GAS2: variants seen among roughly 807,000 people sequenced by gnomAD.
GAS2 encodes growth arrest-specific protein 2.
Under a neutral mutation model 37.5 loss-of-function variants are expected in GAS2, and 20 were observed. That is an observed-to-expected ratio of 0.53 (90% CI 0.37 to 0.77). The LOEUF is 0.77. Ranked by LOEUF, GAS2 falls within the 30% of genes least tolerant of loss-of-function variation. The pLI, the probability that GAS2 is intolerant of heterozygous loss-of-function variation, is 0.00. For missense variants in GAS2, 336 were observed against 373.4 expected, an observed-to-expected ratio of 0.90 and a Z score of 0.82; for synonymous variants, 144 against 132.2, an observed-to-expected ratio of 1.09 and a Z score of -0.61.
In GAS2 at chr11:22,811,921, C is replaced by T. The variant is rs757909642; in HGVS notation, c.847C>T (p.Pro283Ser). Residue 283 changes from proline (P) to serine (S), a missense_variant, in exon 8 of 8, where the codon CCT becomes TCT. Transcript: ENST00000454584. ...QISRVDGKTS[P>S]IQSKSPTLKD... ...CTCCCGTGTGGATGGCAAAACATCC[C>T]CTATCCAAAGCAAATCTCCAACTCT... 1.2e-6 allele frequency: 2 copies of T among 1,614,074 alleles called. No homozygotes were observed. The highest frequency in any genetic ancestry group is 2.2e-5 in the East Asian group (1 of 44,888).
chr11:22,797,309 C>T (rs970842877), intron 7 of GAS2, among the ~76,000 whole-genome samples: 3 of 152,072 alleles, frequency 2.0e-5, no homozygotes, highest in Admixed American at 2.0e-4. Context: ...GGCTACTTGA[C>T]AGTCATTTGT....
chr11:22,728,696 T>G (rs969907914), intron 4 of GAS2, among the ~76,000 whole-genome samples: 4 of 151,824 alleles, frequency 2.6e-5, no homozygotes, highest in Non-Finnish European at 5.9e-5. Context: ...CTGCTCAGAA[T>G]AGAACCCAAA....
At chr11:22,670,929 T>A (rs2062450) in intron 1 of GAS2, among the ~76,000 whole-genome samples, 1 of 151,848 alleles carries the variant, frequency 6.6e-6, no homozygotes. Context: ...TATGTAATGT[T>A]GCAATGCATT....
intron 1 of GAS2, among the ~76,000 whole-genome samples, chr11:22,655,215 C>T (rs951003048): frequency 2.0e-4 from 31 of 152,166 alleles, no homozygotes; most frequent in African/African-American, 6.8e-4. Context: ...TTGCCGCCTA[C>T]GCTGATTCCC....
chr11:22,629,655 T>C (rs556540275), intron 1 of GAS2, among the ~76,000 whole-genome samples: 39 of 152,276 alleles, frequency 2.6e-4, no homozygotes, highest in African/African-American at 9.1e-4. Context: ...AATGGGATTA[T>C]TGGTTTTTTT....
chr11:22,661,061 A>G (rs1345285715), intron 1 of GAS2, among the ~76,000 whole-genome samples: 2 of 152,238 alleles, frequency 1.3e-5, no homozygotes, highest in Admixed American at 6.5e-5. Flanking sequence ...AAGTAATCCT[A>G]AATTTGAAAT....
At chr11:22,723,964 T>C (rs1481420550) in intron 3 of GAS2, among the ~76,000 whole-genome samples, 3 of 151,952 alleles carry the variant, frequency 2.0e-5, no homozygotes, top group Non-Finnish European at 4.4e-5. Flanking sequence ...TTTGGAATTA[T>C]ATAAAATAAG....
At chr11:22,783,319 T>C (rs1373640144) in intron 7 of GAS2, among the ~76,000 whole-genome samples, 1 of 152,172 alleles carries the variant, frequency 6.6e-6, no homozygotes, top group African/African-American at 2.4e-5. Context: ...ATTCTTTAAG[T>C]TCTTTATAGA....
intron 7 of GAS2, among the ~76,000 whole-genome samples, chr11:22,805,570 T>C (rs1356191458): frequency 6.6e-6 from 1 of 152,100 alleles, no homozygotes; most frequent in African/African-American, 2.4e-5. Flanking sequence ...CCACCATTCT[T>C]TTCTCTACTT....
chr11:22,746,875 TAAAAA>T (rs1590083873), intron 5 of GAS2, among the ~76,000 whole-genome samples: 1 of 151,986 alleles, frequency 6.6e-6, no homozygotes, highest in Non-Finnish European at 1.5e-5. Flanking sequence ...ATTTAAAAAA[TAAAAA>T]AATTAAGTAG....
At chr11:22,668,807 A>C (rs1405297571) in intron 1 of GAS2, among the ~76,000 whole-genome samples, 1 of 152,210 alleles carries the variant, frequency 6.6e-6, no homozygotes, top group Non-Finnish European at 1.5e-5. Context: ...CTGTTTACAG[A>C]GAGACTTTTG....
chr11:22,635,618 G>A (rs1224555941), intron 1 of GAS2, among the ~76,000 whole-genome samples: 1 of 152,166 alleles, frequency 6.6e-6, no homozygotes, highest in Non-Finnish European at 1.5e-5. Context: ...CTGCACCTGT[G>A]GCTTATAGTA....
rs572468136 is a variant in GAS2, at chr11:22,651,324, C to T, written c.-20-23526C>T. On this transcript the variant is annotated intron_variant, in intron 1 of 5. Transcript: ENST00000528582. ...GATGGGCTTCCCTTTGTGGGTAACC[C>T]GAACTTTCGCTCAGACTGCCCTTAA... is the stretch of plus-strand genomic sequence containing the variant. Among the ~76,000 whole-genome samples the T allele has an allele frequency of 3.7e-4, 56 of 152,240 alleles. 1 individual carries two copies. The highest frequency in any genetic ancestry group is 2.3e-3 in the South Asian group (11 of 4,826).
At chr11:22,725,988 A>G (rs1300478601) in intron 3 of GAS2, among the ~76,000 whole-genome samples, 1 of 152,128 alleles carries the variant, frequency 6.6e-6, no homozygotes, top group Non-Finnish European at 1.5e-5. Flanking sequence ...GAATGCTTAG[A>G]TGAAAGGGAA....
chr11:22,710,290 C>A (rs1851339714), intron 3 of GAS2, among the ~76,000 whole-genome samples: 1 of 152,166 alleles, frequency 6.6e-6, no homozygotes, highest in African/African-American at 2.4e-5. Flanking sequence ...ATTAAAAAAT[C>A]TTTGAACTTT....
chr11:22,754,509 C>T (rs554564206), intron 6 of GAS2, among the ~76,000 whole-genome samples: 1 of 152,128 alleles, frequency 6.6e-6, no homozygotes, highest in African/African-American at 2.4e-5. Flanking sequence ...GTTCTTTTCC[C>T]CCCAAAATAG....
chr11:22,698,474 A>T (rs1850658127), intron 3 of GAS2, among the ~76,000 whole-genome samples: 2 of 152,068 alleles, frequency 1.3e-5, no homozygotes, highest in South Asian at 4.1e-4. Context: ...TTCTGAAACT[A>T]TTCCAATCAA....
intron 7 of GAS2, among the ~76,000 whole-genome samples, chr11:22,810,654 C>T (rs1857113158): frequency 6.6e-6 from 1 of 152,056 alleles, no homozygotes; most frequent in African/African-American, 2.4e-5. Flanking sequence ...TTCATGTCAA[C>T]CACATAAATG....
At chr11:22,628,090 A>G (rs1053268517) in intron 1 of GAS2, among the ~76,000 whole-genome samples, 1 of 152,212 alleles carries the variant, frequency 6.6e-6, no homozygotes, top group Non-Finnish European at 1.5e-5. Context: ...ACTCCTACAT[A>G]TTTCAGATTA....
Sources: allele counts gnomAD v4.1 joint callset (sites outside exome capture counted in the v4.1 genomes callset), GRCh38; gene constraint gnomAD v4.1.1; transcripts MANE v1.5; gene names NCBI Gene and HGNC (gene_info 2026-07-23, HGNC 2026-07-21).